The following PDZD9 variants were observed in gnomAD, a reference collection of about 807,000 sequenced individuals.
The protein encoded by PDZD9 is PDZ domain containing 9, also known as PDZ domain-containing protein 9.
In PDZD9, 13 loss-of-function variants were observed where a neutral mutation model predicts 16.3. That is an observed-to-expected ratio of 0.80 (90% CI 0.52 to 1.27). PDZD9 has a LOEUF of 1.27. Ranked by LOEUF, PDZD9 falls within the 50% of genes most tolerant of loss-of-function variation. The pLI, the probability that PDZD9 is intolerant of heterozygous loss-of-function variation, is 0.00. For missense variants in PDZD9, 288 were observed against 310.9 expected (o/e 0.93, Z 0.55); for synonymous variants, 120 against 111.0 (o/e 1.08, Z -0.51).
Position 21,998,801 on chromosome 16 carries a change from A to G in PDZD9, c.31+2216T>C, listed in dbSNP as rs865875086. On this transcript the variant is annotated intron_variant, in intron 1 of 3. Transcript: ENST00000424898. Reference sequence around the variant, plus strand: ...TCAAAAAAAAAAAAAAAAAAAAAAAAAGAGAGAGAAAAAAACCTTGACAAA... The same window carrying G: ...TCAAAAAAAAAAAAAAAAAAAAAAAGAGAGAGAGAAAAAAACCTTGACAAA... The G allele has an allele frequency of 8.3e-4, 126 of 151,592 alleles. 2 individuals are homozygous for G. Among genetic ancestry groups the G allele is most frequent in the East Asian group, 1.2e-3 (6 of 5,172 alleles). The allele number at this position is 151,592 out of a possible 1,614,324, so 9.4% of individuals were successfully genotyped here.
rs1357367636 is a variant in PDZD9 at position 22,001,007 on chromosome 16, C to A, written c.31+10G>T. On this transcript the variant is annotated intron_variant, in intron 1 of 3. Transcript: ENST00000424898. Reference sequence around the variant, plus strand: ...AGGGCTTCTTCACCCGCTTCCTTCTCCCCAGTTACCTTTTTTGTTTTTGTG... The same window carrying A: ...AGGGCTTCTTCACCCGCTTCCTTCTACCCAGTTACCTTTTTTGTTTTTGTG... The A allele has an allele frequency of 7.2e-6, 11 of 1,533,564 alleles. No individual in the cohort carries two copies. In the Admixed American group the frequency reaches 2.2e-4, roughly 30 times the overall value. 95.0% of individuals were successfully genotyped at this position (1,533,564 alleles called of 1,614,324 possible).
chr16:21,961,015 A>G, the PDZD9 span, among the ~76,000 whole-genome samples: 1 of 151,996 alleles, frequency 6.6e-6, no homozygotes, highest in Non-Finnish European at 1.5e-5. Context: ...TTTTTTGTAC[A>G]AATGGAGGTC....
At chr16:21,967,257 C>T in the PDZD9 span, among the ~76,000 whole-genome samples, 2 of 152,124 alleles carry the variant, frequency 1.3e-5, no homozygotes, top group Non-Finnish European at 2.9e-5. Context: ...TTTTAGGGCA[C>T]GGATTATGAT....
intron 1 of PDZD9, among the ~76,000 whole-genome samples, chr16:21,999,977 G>T (rs1474785164): frequency 6.6e-6 from 1 of 152,152 alleles, no homozygotes; most frequent in Non-Finnish European, 1.5e-5. Flanking sequence ...GAAGGCGGGG[G>T]TTGCAGTAAG....
At chr16:21,983,040 A>G (rs755206904), downstream of PDZD9, 4 of 1,529,744 alleles carry the variant, frequency 2.6e-6, no homozygotes, top group African/African-American at 1.4e-5. Flanking sequence ...GCTTGATGAT[A>G]TATATTTTTA....
chr16:21,981,322 C>A (rs1250566258), downstream of PDZD9, among the ~76,000 whole-genome samples: 1 of 152,126 alleles, frequency 6.6e-6, no homozygotes, highest in Non-Finnish European at 1.5e-5. Context: ...AAGCACATGA[C>A]CTACAGAATT....
At chr16:21,963,196 G>A in the PDZD9 span, 2 of 194,612 alleles carry the variant, frequency 1.0e-5, no homozygotes, top group African/African-American at 4.7e-5. Context: ...TGCCATGTTG[G>A]TCAGACTGGA....
chr16:21,962,608 A>T, the PDZD9 span: 2 of 1,596,128 alleles, frequency 1.3e-6, no homozygotes, highest in Non-Finnish European at 1.7e-6. Context: ...ATGACCTCTG[A>T]CTTCCATTTT....
the PDZD9 span, chr16:21,958,600 G>A: frequency 1.2e-6 from 2 of 1,611,324 alleles, no homozygotes; most frequent in Non-Finnish European, 1.7e-6. Flanking sequence ...GCAAATTAAG[G>A]TTTGTTAAAT....
chr16:21,972,004 C>CAAAT, the PDZD9 span: 1 of 1,614,184 alleles, frequency 6.2e-7, no homozygotes, highest in Admixed American at 1.7e-5. Context: ...AGTGCAGAGG[C>CAAAT]AAATGCATTT....
rs2141952427 is a variant in PDZD9 at position 21,983,935 on chromosome 16, A to C, written c.*332T>G. The stretch of plus-strand genomic sequence containing the variant: ...AAAAAAGAGAGAAACTAAATATTTA[A>C]AGAAAAATGTAGTGTTTACATAAAG... On this transcript the variant is annotated 3_prime_UTR_variant, in exon 4 of 4. Coordinates refer to ENST00000424898, the MANE Select transcript of PDZD9 (RefSeq NM_001363519.1). 1 of 176,410 alleles carries C rather than the reference A, an allele frequency of 5.7e-6. No individual in the cohort carries two copies. Among genetic ancestry groups the C allele is most frequent in the Admixed American group, 6.2e-5 (1 of 16,186 alleles). 10.9% of individuals were successfully genotyped at this position (176,410 alleles called of 1,614,324 possible). A position where few individuals can be genotyped will look rare whatever the true frequency, so the allele number is the denominator to read the frequency against.
intron 1 of PDZD9, among the ~76,000 whole-genome samples, chr16:22,000,060 G>C (rs1292732122): frequency 6.6e-6 from 1 of 151,382 alleles, no homozygotes; most frequent in African/African-American, 2.4e-5. Flanking sequence ...AAAAAAATTA[G>C]CTGAATGTGG....
the PDZD9 span, among the ~76,000 whole-genome samples, chr16:21,966,184 A>G: frequency 6.6e-6 from 1 of 151,988 alleles, no homozygotes; most frequent in Non-Finnish European, 1.5e-5. Flanking sequence ...GTGTGTGTAT[A>G]CATATATATA....
the PDZD9 span, among the ~76,000 whole-genome samples, chr16:21,969,033 ATGTT>A: frequency 6.6e-6 from 1 of 152,210 alleles, no homozygotes; most frequent in Non-Finnish European, 1.5e-5. Flanking sequence ...TGGGAGAAAT[ATGTT>A]TGTATATGTG....
At chr16:21,962,947 A>G in the PDZD9 span, 1 of 1,529,466 alleles carries the variant, frequency 6.5e-7, no homozygotes, top group Admixed American at 2.2e-5. Flanking sequence ...AGATCAATTT[A>G]TAGAAGAAAA....
intron 3 of PDZD9, among the ~76,000 whole-genome samples, chr16:21,984,894 T>G (rs1441755674): frequency 6.6e-6 from 1 of 152,212 alleles, no homozygotes. Context: ...TTAAAAAGTT[T>G]TGCACAGACT....
the PDZD9 span, chr16:21,973,926 T>G: frequency 6.2e-7 from 1 of 1,613,152 alleles, no homozygotes; most frequent in Non-Finnish European, 8.5e-7. Context: ...TTACTCAGAT[T>G]CTGGACTCTT....
intron 2 of PDZD9, among the ~76,000 whole-genome samples, chr16:21,994,508 G>A (rs1041534589): frequency 3.3e-5 from 5 of 152,244 alleles, no homozygotes; most frequent in Non-Finnish European, 5.9e-5. Flanking sequence ...GAGCAGGGCA[G>A]TATTGGTAAA....
chr16:21,964,287 G>A, the PDZD9 span, among the ~76,000 whole-genome samples: 3 of 152,116 alleles, frequency 2.0e-5, no homozygotes, highest in Non-Finnish European at 2.9e-5. Flanking sequence ...CGGCAGTGAG[G>A]CACCAGCCTG....
Sources: allele counts gnomAD v4.1 joint callset (sites outside exome capture counted in the v4.1 genomes callset), GRCh38; gene constraint gnomAD v4.1.1; transcripts MANE v1.5; gene names NCBI Gene and HGNC (gene_info 2026-07-23, HGNC 2026-07-21).